Variants in SCML4 observed in about 807,000 individuals in gnomAD.
SCML4 encodes the protein sex comb on midleg-like protein 4.
A neutral mutation model predicts 41.1 loss-of-function variants in SCML4; 34 were observed. The ratio of observed to expected loss-of-function variants is 0.83; its 90% CI spans 0.63 to 1.10. SCML4 has a LOEUF of 1.10. Ranked by LOEUF, SCML4 falls within the 50% of genes least tolerant of loss-of-function variation. The probability of loss-of-function intolerance (pLI) is 0.00; values close to 1 mark genes in which losing one functional copy is unlikely to be tolerated. For missense variants in SCML4, 522 were observed against 534.1 expected (o/e 0.98, Z 0.22); for synonymous variants, 214 against 220.9 (o/e 0.97, Z 0.28).
rs148332933 is a variant in SCML4 at position 107,788,886 on chromosome 6, G to A, written c.-59-16500C>T. ...GAGAACAGAATGGGTGAAAGAGTGGGGGCTGGAGCAAGGAGCATAGGAAAA... is the reference window on the plus strand; with the variant it reads ...GAGAACAGAATGGGTGAAAGAGTGGAGGCTGGAGCAAGGAGCATAGGAAAA... On this transcript the variant is annotated intron_variant, in intron 1 of 7. Transcript: ENST00000369020. Among the ~76,000 whole-genome samples, 499 of 152,276 alleles carry A rather than the reference G, an allele frequency of 3.3e-3. 3 individuals carry two copies. The highest frequency in any genetic ancestry group is 0.014 in the East Asian group (75 of 5,192).
chr6:107,733,293 C>T (rs1321712337), intron 5 of SCML4, among the ~76,000 whole-genome samples: 1 of 152,200 alleles, frequency 6.6e-6, no homozygotes, highest in Non-Finnish European at 1.5e-5. Context: ...CCTCTTGATT[C>T]TGCATGTCCA....
At chr6:107,821,356 T>G (rs902089139) in intron 1 of SCML4, among the ~76,000 whole-genome samples, 2 of 152,160 alleles carry the variant, frequency 1.3e-5, no homozygotes, top group Non-Finnish European at 2.9e-5. Context: ...AAAACTAGCC[T>G]TTTGAGAGAT....
chr6:107,810,661 T>C (rs1177800585), intron 1 of SCML4, among the ~76,000 whole-genome samples: 1 of 152,136 alleles, frequency 6.6e-6, no homozygotes, highest in African/African-American at 2.4e-5. Flanking sequence ...ATGAAACATA[T>C]TTACCATTGA....
intron 1 of SCML4, among the ~76,000 whole-genome samples, chr6:107,809,955 A>G (rs1442250369): frequency 6.6e-6 from 1 of 152,118 alleles, no homozygotes; most frequent in Non-Finnish European, 1.5e-5. Context: ...GGTGTTCTCT[A>G]CATTCATCGA....
At chr6:107,723,419 ATTG>A (rs1029182250) in intron 5 of SCML4, among the ~76,000 whole-genome samples, 6 of 152,178 alleles carry the variant, frequency 3.9e-5, no homozygotes, top group African/African-American at 1.2e-4. Context: ...GAAAAACAGA[ATTG>A]TTGTATAGAT....
At chr6:107,839,586 CCTT>C in the SCML4 span, among the ~76,000 whole-genome samples, 84 of 152,044 alleles carry the variant, frequency 5.5e-4, 1 homozygote, top group Non-Finnish European at 6.3e-4. Context: ...TTTTTAATCT[CCTT>C]ATTGATAAAG....
chr6:107,839,374 AAAGAAAGAAAG>A, the SCML4 span, among the ~76,000 whole-genome samples: 1 of 148,736 alleles, frequency 6.7e-6, no homozygotes, highest in South Asian at 2.1e-4. Context: ...AGAAGGAAAG[AAAGAAAGAAAG>A]AAAGAAAGAA....
the SCML4 span, among the ~76,000 whole-genome samples, chr6:107,837,910 T>G: frequency 6.7e-6 from 1 of 148,948 alleles, no homozygotes; most frequent in Non-Finnish European, 1.5e-5. Flanking sequence ...ATTTTCTTTT[T>G]TTTTTTTTTT....
chr6:107,843,107 G>C, the SCML4 span, among the ~76,000 whole-genome samples: 1 of 152,092 alleles, frequency 6.6e-6, no homozygotes, highest in Non-Finnish European at 1.5e-5. Flanking sequence ...AAGAGAGATT[G>C]AGAAGAAATA....
At chr6:107,804,296 A>C (rs1264850346) in intron 1 of SCML4, among the ~76,000 whole-genome samples, 1 of 151,648 alleles carries the variant, frequency 6.6e-6, no homozygotes, top group Non-Finnish European at 1.5e-5. Context: ...TAATTAAAGA[A>C]AAAGGTCTGC....
intron 5 of SCML4, among the ~76,000 whole-genome samples, chr6:107,728,241 G>A (rs865877339): frequency 2.0e-5 from 3 of 152,182 alleles, no homozygotes; most frequent in South Asian, 2.1e-4. Flanking sequence ...AAATACAGAC[G>A]CAGATGGCAG....
chr6:107,720,841 G>C lies in SCML4; in HGVS notation c.835C>G (p.Leu279Val). The change falls in exon 6 of 8, where the codon CTT (leucine) becomes GTT (valine). Residue 279 changes from leucine (L) to valine (V), a missense_variant. By Grantham distance (32) the Leu-to-Val change is conservative. Coordinates refer to ENST00000369020, the MANE Select transcript of SCML4 (RefSeq NM_198081.5). Reference sequence around the variant, plus strand: ...GCGGTGGCAGCAGGACCACCCCCAAGGTGGCTGTCTCCAGAGTTCTGCCTC... The same window carrying C: ...GCGGTGGCAGCAGGACCACCCCCAACGTGGCTGTCTCCAGAGTTCTGCCTC... ...CKRQNSGDSH[L>V]GGGPAATAGG... 6.2e-7 allele frequency: 1 copy of C among 1,614,116 alleles called. No individual in the cohort carries two copies. The highest frequency in any genetic ancestry group is 8.5e-7 in the Non-Finnish European group (1 of 1,179,970).
At chr6:107,718,182 T>A (rs1439955384) in intron 6 of SCML4, among the ~76,000 whole-genome samples, 1 of 152,156 alleles carries the variant, frequency 6.6e-6, no homozygotes, top group East Asian at 1.9e-4. Context: ...ATTGTAATAA[T>A]CCCCATGTGT....
chr6:107,736,196 A>G (rs1777053438), intron 5 of SCML4, among the ~76,000 whole-genome samples: 1 of 152,164 alleles, frequency 6.6e-6, no homozygotes, highest in Non-Finnish European at 1.5e-5. Flanking sequence ...CCAGGAGGAG[A>G]AGAGAATTGA....
At chr6:107,786,064 C>T (rs1388601312) in intron 1 of SCML4, among the ~76,000 whole-genome samples, 19 of 152,212 alleles carry the variant, frequency 1.2e-4, no homozygotes. Context: ...ACTTTCCCTA[C>T]TCCTAGCTCA....
At chr6:107,724,942 A>G (rs1210341374) in intron 5 of SCML4, among the ~76,000 whole-genome samples, 1 of 152,258 alleles carries the variant, frequency 6.6e-6, no homozygotes, top group Non-Finnish European at 1.5e-5. Flanking sequence ...AGCCAGGCAC[A>G]GAAAGACAAA....
chr6:107,735,870 A>G (rs1164939651), intron 5 of SCML4, among the ~76,000 whole-genome samples: 1 of 152,138 alleles, frequency 6.6e-6, no homozygotes, highest in Non-Finnish European at 1.5e-5. Context: ...ATACATTCAA[A>G]ATGTTGCATA....
intron 2 of SCML4, among the ~76,000 whole-genome samples, chr6:107,754,530 A>C (rs2114521356): frequency 6.6e-6 from 1 of 152,346 alleles, no homozygotes; most frequent in Non-Finnish European, 1.5e-5. Flanking sequence ...AGAGTCCCTG[A>C]GGACTTCAGG....
At chr6:107,820,310 C>T (rs913613000) in intron 1 of SCML4, among the ~76,000 whole-genome samples, 8 of 152,156 alleles carry the variant, frequency 5.3e-5, no homozygotes, top group Non-Finnish European at 8.8e-5. Flanking sequence ...GATGCTATAC[C>T]CAAATAGCAG....
Sources: gnomAD v4.1 joint callset for allele counts (sites outside exome capture counted in the v4.1 genomes callset) on GRCh38, gnomAD v4.1.1 for gene constraint, MANE v1.5 for transcripts, NCBI Gene and HGNC (gene_info 2026-07-23, HGNC 2026-07-21) for gene names.